The following FREM1 variants were observed in gnomAD, a reference collection of about 807,000 sequenced individuals.
FREM1 encodes the protein FRAS1 related extracellular matrix 1.
Under a neutral mutation model 210.1 loss-of-function variants are expected in FREM1, and 220 were observed. The ratio of observed to expected loss-of-function variants is 1.05; its 90% CI spans 0.94 to 1.17. The LOEUF (loss-of-function observed/expected upper bound fraction) is 1.17, where lower values mean the gene tolerates loss of function less well. FREM1 is among the 50% of genes most tolerant of loss of function. The pLI is 0.00. For missense variants in FREM1, 3,454 were observed against 2,675.5 expected (o/e 1.29, Z -6.42); for synonymous variants, 1,189 against 980.2 (o/e 1.21, Z -3.98).
chr9:14,870,805 TCCC>T (rs1231874541), intron 1 of FREM1, among the ~76,000 whole-genome samples: 3 of 75,570 alleles, frequency 4.0e-5, no homozygotes, highest in African/African-American at 1.6e-4. Flanking sequence ...CCCTCCCCCC[TCCC>T]CCGACCCCAC....
At chr9:14,745,629 C>T (rs190968819) in intron 35 of FREM1, among the ~76,000 whole-genome samples, 22 of 152,180 alleles carry the variant, frequency 1.4e-4, no homozygotes, top group African/African-American at 4.3e-4. Context: ...TTATGAAGTA[C>T]GAGATCAGAT....
intron 24 of FREM1, among the ~76,000 whole-genome samples, chr9:14,776,645 T>G (rs1234178894): frequency 6.6e-6 from 1 of 152,244 alleles, no homozygotes; most frequent in Non-Finnish European, 1.5e-5. Context: ...GTCTGACAAC[T>G]GGGAGGCCAA....
chr9:14,808,877 C>T (rs1420640468), intron 16 of FREM1, among the ~76,000 whole-genome samples: 2 of 152,124 alleles, frequency 1.3e-5, no homozygotes, highest in Non-Finnish European at 2.9e-5. Flanking sequence ...CCACTAAGAG[C>T]GTGGAGTAAG....
At chr9:14,813,242 T>G (rs750154577) in intron 15 of FREM1, among the ~76,000 whole-genome samples, 178 bp from the exon 16 acceptor site, 1 of 152,140 alleles carries the variant, frequency 6.6e-6, no homozygotes, top group Non-Finnish European at 1.5e-5. Flanking sequence ...ATGTAAACCA[T>G]CTTGCAAGAA....
At chr9:14,803,181 T>A (rs1309697160) in intron 19 of FREM1, among the ~76,000 whole-genome samples, 3 of 136,440 alleles carry the variant, frequency 2.2e-5, no homozygotes, top group Non-Finnish European at 4.7e-5. Context: ...TCTCTTTCCC[T>A]CCTTCCCTTC....
chr9:14,772,449 G>A (rs1349341060), intron 25 of FREM1, among the ~76,000 whole-genome samples: 2 of 151,996 alleles, frequency 1.3e-5, no homozygotes, highest in East Asian at 3.9e-4. Flanking sequence ...CATGAAGATG[G>A]AAACAGGCAA....
In FREM1 at chr9:14,868,821, T is replaced by C. The variant is rs868756132; in HGVS notation, c.157A>G (p.Lys53Glu). 21 of 1,612,944 alleles carry C rather than the reference T, an allele frequency of 1.3e-5. No individual in the cohort carries two copies. The African/African-American group carries it at 2.4e-4, about 18-fold the overall frequency. ...SGDDLKFAIPKEKDACKVEVV... is the reference protein window; with the variant it reads ...SGDDLKFAIPEEKDACKVEVV... ...TCCACTTTGCAGGCATCTTTCTCTT[T>C]AGGGATGGCAAACTTCAGGTCATCT... The change falls in exon 2 of 37, where the codon AAA becomes GAA. Residue 53 changes from lysine to glutamate, a missense_variant. By Grantham distance (56) the Lys-to-Glu change is moderately conservative. Coordinates refer to ENST00000380880, the MANE Select transcript of FREM1 (RefSeq NM_001379081.2).
intron 1 of FREM1, among the ~76,000 whole-genome samples, chr9:14,899,001 T>C (rs1191410882): frequency 6.6e-6 from 1 of 152,212 alleles, no homozygotes; most frequent in Non-Finnish European, 1.5e-5. Flanking sequence ...AGTTGAGCCA[T>C]CTTTTGACAT....
intron 10 of FREM1, among the ~76,000 whole-genome samples, chr9:14,832,689 C>T (rs1031861291): frequency 1.3e-5 from 2 of 152,114 alleles, no homozygotes; most frequent in East Asian, 3.9e-4. Flanking sequence ...AACCCAGAAG[C>T]CTGATGCCTG....
chr9:14,896,644 G>C (rs1200093803), intron 1 of FREM1, among the ~76,000 whole-genome samples: 5 of 151,854 alleles, frequency 3.3e-5, no homozygotes, highest in African/African-American at 1.2e-4. Flanking sequence ...AGCTCTCAGT[G>C]CTGCTCTGTC....
rs773862586 is a variant in FREM1, at chr9:14,819,217, C to A, written c.2546+17G>T. 5 of 1,553,536 alleles carry A rather than the reference C, an allele frequency of 3.2e-6. No individual in the cohort carries two copies. The highest frequency in any genetic ancestry group is 3.7e-5 in the Admixed American group (2 of 54,282). ...AAACTAAAGCATGTAAATAAAAAAA[C>A]CATGAAATGTTCTAACCTAACTTTT... is the stretch of plus-strand genomic sequence containing the variant. On this transcript the variant is annotated intron_variant, in intron 14 of 36. Coordinates refer to ENST00000380880, the MANE Select transcript of FREM1 (RefSeq NM_001379081.2).
At position 14,848,773 on chromosome 9, in the gene FREM1, C is replaced by T. The variant is rs776424728; in HGVS notation, c.1153G>A (p.Val385Ile). Residue 385 changes from valine (V) to isoleucine (I), a missense_variant and splice_region_variant, in exon 7 of 37, where the codon GTA becomes ATA. Coordinates refer to ENST00000380880, the MANE Select transcript of FREM1 (RefSeq NM_001379081.2). Reference sequence around the variant, plus strand: ...AAGAAGTCGTATACCTCCAATTCTACCTGTAAACAAACAGAGGCAAAGGAG... The same window carrying T: ...AAGAAGTCGTATACCTCCAATTCTATCTGTAAACAAACAGAGGCAAAGGAG... ...SSHSERRHDE[V>I]ELEVYDFFFE... 1.3e-6 allele frequency: 2 copies of T among 1,592,880 alleles called. No individual in the cohort carries two copies. Among genetic ancestry groups the T allele is most frequent in the South Asian group, 1.1e-5 (1 of 90,560 alleles).
At chr9:14,832,397 G>A (rs1823731706) in intron 10 of FREM1, among the ~76,000 whole-genome samples, 1 of 152,182 alleles carries the variant, frequency 6.6e-6, no homozygotes, top group Admixed American at 6.5e-5. Context: ...AGGCAGCTCT[G>A]CACGCAGAAG....
chr9:14,889,194 G>A (rs1390877606), intron 1 of FREM1, among the ~76,000 whole-genome samples: 3 of 152,134 alleles, frequency 2.0e-5, no homozygotes, highest in Admixed American at 2.0e-4. Context: ...ATTTCCAGAT[G>A]TGGAATTGTA....
intron 21 of FREM1, among the ~76,000 whole-genome samples, chr9:14,793,332 T>C (rs939649337): frequency 2.6e-5 from 4 of 152,214 alleles, no homozygotes; most frequent in Middle Eastern, 3.2e-3. Flanking sequence ...ATTGATGATA[T>C]GCCATTCTGA....
At chr9:14,768,935 G>A (rs1411895434) in intron 27 of FREM1, among the ~76,000 whole-genome samples, 3 of 152,000 alleles carry the variant, frequency 2.0e-5, no homozygotes, top group Admixed American at 2.0e-4. Flanking sequence ...TTCTGGGAGG[G>A]TATCAAAAAC....
At chr9:14,838,895 G>C (rs1417575261) in intron 10 of FREM1, among the ~76,000 whole-genome samples, 1 of 152,156 alleles carries the variant, frequency 6.6e-6, no homozygotes, top group Non-Finnish European at 1.5e-5. Context: ...CTGAGGGTTT[G>C]TGGAATGGGG....
rs1410459383 is a variant in FREM1, at chr9:14,816,867, G to A, written c.2551C>T (p.Gln851Ter). ...GDLHTLKVRY[Q>*]HDGTEVLQDD... ...TGAAGAACTTCAGTTCCATCATGTT[G>A]ATACCTGTGGGGATAATATTTGTCA... Residue 851 changes from glutamine (Q) to a stop codon, truncating the protein, a stop_gained, in exon 15 of 37, where the codon CAA becomes TAA. Transcript: ENST00000380880. LOFTEE classifies it high-confidence loss of function. The A allele has an allele frequency of 9.9e-6, 13 of 1,311,252 alleles. No individual in the cohort carries two copies. The highest frequency in any genetic ancestry group is 1.2e-5 in the Non-Finnish European group (12 of 965,120). 81.2% of individuals were successfully genotyped at this position (1,311,252 alleles called of 1,614,324 possible).
intron 1 of FREM1, among the ~76,000 whole-genome samples, chr9:14,900,905 T>A (rs1017896156): frequency 4.6e-5 from 7 of 152,190 alleles, no homozygotes; most frequent in Admixed American, 2.0e-4. Flanking sequence ...CAACTTTAGT[T>A]TTTTCCTATG....
Sources: allele counts gnomAD v4.1 joint callset (sites outside exome capture counted in the v4.1 genomes callset), GRCh38; gene constraint gnomAD v4.1.1; transcripts MANE v1.5; gene names NCBI Gene and HGNC (gene_info 2026-07-23, HGNC 2026-07-21).